The following EPM2A variants were observed in gnomAD, a reference collection of about 807,000 sequenced individuals.
EPM2A encodes laforin.
A neutral mutation model predicts 26.5 loss-of-function variants in EPM2A; 21 were observed. That is an observed-to-expected ratio of 0.79 (90% CI 0.56 to 1.14). The LOEUF (loss-of-function observed/expected upper bound fraction) is 1.14, where lower values mean the gene tolerates loss of function less well. EPM2A is among the 50% of genes most tolerant of loss of function. The probability of loss-of-function intolerance (pLI) is 0.00; values close to 1 mark genes in which losing one functional copy is unlikely to be tolerated. For missense variants in EPM2A, 458 were observed against 440.8 expected (o/e 1.04, Z -0.35); for synonymous variants, 217 against 177.6 (o/e 1.22, Z -1.76).
intron 2 of EPM2A, among the ~76,000 whole-genome samples, chr6:145,577,052 C>T (rs2114831636): frequency 6.6e-6 from 1 of 150,510 alleles, no homozygotes; most frequent in African/African-American, 2.4e-5. Context: ...AAATAAAAAG[C>T]AAGAAATTAC....
At chr6:145,618,841 T>C (rs1178616036) in intron 2 of EPM2A, among the ~76,000 whole-genome samples, 1 of 152,180 alleles carries the variant, frequency 6.6e-6, no homozygotes, top group Non-Finnish European at 1.5e-5. Flanking sequence ...TTGAGGAATA[T>C]TGAGCAAGAA....
intron 2 of EPM2A, among the ~76,000 whole-genome samples, chr6:145,676,393 A>G (rs941397194): frequency 6.6e-6 from 1 of 152,224 alleles, no homozygotes; most frequent in Non-Finnish European, 1.5e-5. Context: ...AACAAATTCA[A>G]AAGGTAGCAG....
intron 2 of EPM2A, among the ~76,000 whole-genome samples, chr6:145,599,791 T>C (rs1781393040): frequency 6.6e-6 from 1 of 152,062 alleles, no homozygotes. Flanking sequence ...AATTTCTTTT[T>C]AATGGATCAC....
At chr6:145,583,942 G>GC (rs888967025) in intron 2 of EPM2A, among the ~76,000 whole-genome samples, 1 of 152,208 alleles carries the variant, frequency 6.6e-6, no homozygotes, top group African/African-American at 2.4e-5. Context: ...GGTGGTGGGG[G>GC]GGTGAGGTTC....
intron 2 of EPM2A, among the ~76,000 whole-genome samples, chr6:145,610,951 GA>G (rs1775379742): frequency 6.6e-6 from 1 of 152,076 alleles, no homozygotes; most frequent in African/African-American, 2.4e-5. Context: ...ATTTTCATTT[GA>G]ACTACTACTA....
intron 2 of EPM2A, among the ~76,000 whole-genome samples, chr6:145,612,034 G>A (rs1440054344): frequency 6.6e-6 from 1 of 152,036 alleles, no homozygotes; most frequent in Non-Finnish European, 1.5e-5. Flanking sequence ...GTGCATATTT[G>A]GTGAAGAATA....
chr6:145,453,648 T>C (rs945233669), intron 4 of EPM2A, among the ~76,000 whole-genome samples: 1 of 152,208 alleles, frequency 6.6e-6, no homozygotes, highest in East Asian at 1.9e-4. Context: ...CCTCACTGTG[T>C]CTGCCTCCTC....
At chr6:145,569,359 C>T (rs968131282) in intron 2 of EPM2A, among the ~76,000 whole-genome samples, 1 of 152,170 alleles carries the variant, frequency 6.6e-6, no homozygotes, top group African/African-American at 2.4e-5. Flanking sequence ...ATTCAGATGA[C>T]CTCATATGCC....
At chr6:145,570,025 T>C (rs1459826657) in intron 2 of EPM2A, among the ~76,000 whole-genome samples, 1 of 152,162 alleles carries the variant, frequency 6.6e-6, no homozygotes, top group African/African-American at 2.4e-5. Flanking sequence ...GAGAAAGATG[T>C]AGGCTGGGAT....
intron 2 of EPM2A, among the ~76,000 whole-genome samples, chr6:145,505,855 T>A (rs1779965730): frequency 6.6e-6 from 1 of 152,184 alleles, no homozygotes. Context: ...AATGAAAAAG[T>A]TAAAATTTAA....
intron 2 of EPM2A, among the ~76,000 whole-genome samples, chr6:145,592,066 T>A (rs1452337489): frequency 6.6e-6 from 1 of 151,846 alleles, no homozygotes; most frequent in Non-Finnish European, 1.5e-5. Flanking sequence ...AAAGTGCAGG[T>A]TTGTTACATA....
At position 145,696,775 on chromosome 6, in the gene EPM2A, A is replaced by ATGTGTT. The variant is rs1781599610; in HGVS notation, c.302-10480_302-10479insAACACA. Among the ~76,000 whole-genome samples, 8 of 135,308 alleles carry ATGTGTT rather than the reference A, an allele frequency of 5.9e-5. No individual in the cohort carries two copies. In the South Asian group the frequency reaches 2.1e-3, roughly 35 times the overall value. The allele number at this position is 135,308 out of a possible 152,430, so 88.8% of individuals were successfully genotyped here. On this transcript the variant is annotated intron_variant, in intron 1 of 3. Transcript: ENST00000367519. ...TCAAACATCTGGCACAGGTAGGGGTATGTGTGTGTGTGTGTGTGTGTGTGT... is the reference window on the plus strand; with the variant it reads ...TCAAACATCTGGCACAGGTAGGGGTATGTGTTTGTGTGTGTGTGTGTGTGTGTGTGT...
At chr6:145,721,102 G>T (rs951133839) in intron 1 of EPM2A, 6 of 152,308 alleles carry the variant, frequency 3.9e-5, no homozygotes, top group African/African-American at 1.4e-4. Flanking sequence ...GGCAGAGGCT[G>T]CAGTGAGCCA....
At chr6:145,573,802 T>C (rs1256402974) in intron 2 of EPM2A, among the ~76,000 whole-genome samples, 1 of 152,026 alleles carries the variant, frequency 6.6e-6, no homozygotes, top group Non-Finnish European at 1.5e-5. Flanking sequence ...ACAGGATGAG[T>C]CCGGAGACCC....
chr6:145,506,262 G>C (rs959755818), intron 2 of EPM2A, among the ~76,000 whole-genome samples: 1 of 152,142 alleles, frequency 6.6e-6, no homozygotes, highest in Non-Finnish European at 1.5e-5. Context: ...AATCTAATCA[G>C]TGATGTTGAC....
At chr6:145,485,868 A>G (rs1399703015) in intron 4 of EPM2A, among the ~76,000 whole-genome samples, 1 of 152,206 alleles carries the variant, frequency 6.6e-6, no homozygotes, top group Non-Finnish European at 1.5e-5. Context: ...ATGAGAACCA[A>G]GTAAAGGGGG....
At chr6:145,646,220 G>A (rs551889326) in intron 2 of EPM2A, among the ~76,000 whole-genome samples, 1 of 152,048 alleles carries the variant, frequency 6.6e-6, no homozygotes, top group African/African-American at 2.4e-5. Context: ...GCAGTGGCGC[G>A]ATCTTGGCTC....
At chr6:145,430,247 T>G (rs893233699) in intron 4 of EPM2A, among the ~76,000 whole-genome samples, 18 of 151,452 alleles carry the variant, frequency 1.2e-4, no homozygotes, top group African/African-American at 4.1e-4. Context: ...AAATAAATAA[T>G]CCCCAAAATG....
intron 2 of EPM2A, among the ~76,000 whole-genome samples, chr6:145,675,072 C>T (rs1163588119): frequency 2.6e-5 from 4 of 152,180 alleles, no homozygotes; most frequent in Non-Finnish European, 5.9e-5. Flanking sequence ...ACCCATCAGA[C>T]TAACAGCAGA....
Sources: allele counts gnomAD v4.1 joint callset (sites outside exome capture counted in the v4.1 genomes callset), GRCh38; gene constraint gnomAD v4.1.1; transcripts MANE v1.5; gene names NCBI Gene and HGNC (gene_info 2026-07-23, HGNC 2026-07-21).